Variants in AXIN1 observed in about 807,000 individuals in gnomAD.
The protein encoded by AXIN1 is axin 1.
In AXIN1, 30 loss-of-function variants were observed where a neutral mutation model predicts 76.4. The ratio of observed to expected loss-of-function variants is 0.39; its 90% CI spans 0.29 to 0.53. AXIN1 has a LOEUF of 0.53. AXIN1 is among the 20% of genes least tolerant of loss of function. AXIN1 has a pLI of 0.66. For missense variants in AXIN1, 1,140 were observed against 1,198.8 expected, an observed-to-expected ratio of 0.95 and a Z score of 0.72; for synonymous variants, 545 against 501.4, an observed-to-expected ratio of 1.09 and a Z score of -1.16.
At chr16:310,194 C>G in intron 3 of AXIN1, 125 bp from the exon 4 acceptor site, 1 of 792,038 alleles carries the variant, frequency 1.3e-6, no homozygotes, top group African/African-American at 1.7e-5. Context: ...TGAGCCACCA[C>G]CACTGAGACA....
intron 2 of AXIN1, among the ~76,000 whole-genome samples, chr16:334,140 C>T (rs580125): frequency 3.3e-5 from 5 of 151,414 alleles, no homozygotes; most frequent in Admixed American, 6.6e-5. Context: ...AGTACCACGG[C>T]ATGCCAATAA....
Position 345,709 on chromosome 16 carries a change from C to T in AXIN1, c.878+439G>A, listed in dbSNP as rs139319729. On this transcript the variant is annotated intron_variant, in intron 2 of 10. Coordinates refer to ENST00000262320, the MANE Select transcript of AXIN1 (RefSeq NM_003502.4). Reference sequence around the variant, plus strand: ...AGCCTGAGCAACAAAAGTGAAACTCCGTCTCAAAAAAAAAAAAAAGCAAGA... The same window carrying T: ...AGCCTGAGCAACAAAAGTGAAACTCTGTCTCAAAAAAAAAAAAAAGCAAGA... Among the ~76,000 whole-genome samples the T allele has an allele frequency of 1.2e-3, 178 of 143,110 alleles. 2 individuals are homozygous for T. Among genetic ancestry groups the T allele is most frequent in the South Asian group, 0.011 (46 of 4,314 alleles). 93.9% of individuals were successfully genotyped at this position (143,110 alleles called of 152,430 possible). A position where few individuals can be genotyped will look rare whatever the true frequency, so the allele number is the denominator to read the frequency against.
At chr16:347,493 G>A (rs1488647624) in intron 1 of AXIN1, among the ~76,000 whole-genome samples, 2 of 152,198 alleles carry the variant, frequency 1.3e-5, no homozygotes, top group Non-Finnish European at 2.9e-5. Context: ...CTGACTATGT[G>A]TACAAACCTG....
chr16:289,769 A>G, intron 9 of AXIN1, 162 bp from the exon 10 acceptor site: 2 of 825,210 alleles, frequency 2.4e-6, no homozygotes, highest in Non-Finnish European at 3.8e-6. Flanking sequence ...CAGCATCTCA[A>G]TCTGGGATCT....
At chr16:336,523 C>T (rs2053806552) in intron 2 of AXIN1, among the ~76,000 whole-genome samples, 1 of 152,062 alleles carries the variant, frequency 6.6e-6, no homozygotes, top group Non-Finnish European at 1.5e-5. Flanking sequence ...GGCTGGTTCC[C>T]TAAAAGAACA....
intron 2 of AXIN1, among the ~76,000 whole-genome samples, chr16:330,030 T>C (rs2053663352): frequency 6.6e-6 from 1 of 151,478 alleles, no homozygotes; most frequent in Non-Finnish European, 1.5e-5. Flanking sequence ...CCTTCCAAAG[T>C]ACTGGGATTA....
At position 297,461 on chromosome 16, in the gene AXIN1, A is replaced by C. The variant is rs181314431; in HGVS notation, c.1785-235T>G. Among the ~76,000 whole-genome samples, 115 of 151,908 alleles carry C rather than the reference A, an allele frequency of 7.6e-4. 1 individual carries two copies. The East Asian group carries it at 0.019, about 26-fold the overall frequency. ...GGGTTGGTTTCCTCTCTAAACACAC[A>C]GGCAGTCACTGCTCACCCCCTGAAG... On this transcript the variant is annotated intron_variant, in intron 6 of 10. Coordinates refer to ENST00000262320, the MANE Select transcript of AXIN1 (RefSeq NM_003502.4).
At chr16:306,809 G>T (rs1467811563) in intron 4 of AXIN1, among the ~76,000 whole-genome samples, 1 of 152,208 alleles carries the variant, frequency 6.6e-6, no homozygotes, top group Non-Finnish European at 1.5e-5. Context: ...GCCAGGAAGG[G>T]GTCTGTCCCG....
chr16:345,217 C>G (rs181430411), intron 2 of AXIN1, among the ~76,000 whole-genome samples: 2 of 152,304 alleles, frequency 1.3e-5, no homozygotes, highest in Admixed American at 1.3e-4. Context: ...CCCCACAGGC[C>G]CTGCCAGGAT....
At chr16:348,123 G>C (rs751036145) in intron 1 of AXIN1, among the ~76,000 whole-genome samples, 3 of 152,178 alleles carry the variant, frequency 2.0e-5, no homozygotes, top group Non-Finnish European at 4.4e-5. Context: ...AAAGAGAGTA[G>C]ATAAGGGCTC....
In AXIN1 at chr16:288,150, A is replaced by T. The variant is rs576597417; in HGVS notation, c.2561T>A (p.Ile854Asn). The T allele has an allele frequency of 6.2e-7, 1 of 1,613,548 alleles. No individual in the cohort carries two copies. The highest frequency in any genetic ancestry group is 8.5e-7 in the Non-Finnish European group (1 of 1,180,014). Residue 854 changes from isoleucine (I) to asparagine (N), a missense_variant, in exon 11 of 11, where the codon ATC (isoleucine) becomes AAC (asparagine). By Grantham distance (149) the Ile-to-Asn change is moderately radical. Transcript: ENST00000262320. ...EAVLPVFEEK[I>N]IGKVEKVD ...GTCCACCTTCTCCACTTTGCCGATG[A>T]TCTTCTCCTCAAAGACGGGCAGGAC...
intron 2 of AXIN1, among the ~76,000 whole-genome samples, chr16:318,026 TGCGTCTGTAGCCCACAGCACACGGC>T (rs1008547885): frequency 2.9e-4 from 44 of 152,166 alleles, no homozygotes; most frequent in East Asian, 1.4e-3. Flanking sequence ...CGGCACTTGG[TGCGTCTGTAGCCCACAGCACACGGC>T]GCGTCTGTAG....
intron 8 of AXIN1, chr16:292,155 AC>A (rs2052578960): frequency 6.6e-6 from 1 of 152,364 alleles, no homozygotes; most frequent in Non-Finnish European, 1.5e-5. Context: ...GAGCCCACAC[AC>A]GCCCAGGGCC....
rs2141459943 is a variant in AXIN1 at position 288,213 on chromosome 16, C to T, written c.2498G>A (p.Cys833Tyr). ...TCGAACCTCCTCAAACACCACCCCA[C>T]AGTCAAACTCGTCGCTCACTTTCTT... Reference protein sequence around the residue: ...YFKKVSDEFDCGVVFEEVRED... With the variant: ...YFKKVSDEFDYGVVFEEVRED... Residue 833 changes from cysteine to tyrosine, a missense_variant, in exon 11 of 11, where the codon TGT becomes TAT. By Grantham distance (194) the Cys-to-Tyr change is radical (BLOSUM62 -2). Transcript: ENST00000262320. The T allele has an allele frequency of 1.9e-6, 3 of 1,613,758 alleles. No individual in the cohort carries two copies. The highest frequency in any genetic ancestry group is 2.5e-6 in the Non-Finnish European group (3 of 1,180,012).
At chr16:343,019 G>C (rs1433767758) in intron 2 of AXIN1, among the ~76,000 whole-genome samples, 2 of 152,194 alleles carry the variant, frequency 1.3e-5, no homozygotes, top group East Asian at 1.9e-4. Context: ...TGTCTGTGCT[G>C]ACAAGCAACC....
Position 293,254 on chromosome 16 carries a change from T to C in AXIN1, c.2186+234A>G, listed in dbSNP as rs1165494257. ...AGGAGGGACCCCGCCTCCAGAGCAATGAGCGCGGCGGCCTCGGGTGTGTGA... is the reference window on the plus strand; with the variant it reads ...AGGAGGGACCCCGCCTCCAGAGCAACGAGCGCGGCGGCCTCGGGTGTGTGA... On this transcript the variant is annotated intron_variant, in intron 8 of 10. Coordinates refer to ENST00000262320, the MANE Select transcript of AXIN1 (RefSeq NM_003502.4). This position sits in a 1 kb window ranked among gnomAD's most constrained non-coding sequence, Gnocchi z 4.6. 2.6e-5 allele frequency: 15 copies of C among 581,458 alleles called. No homozygotes were observed. Among genetic ancestry groups the C allele is most frequent in the Middle Eastern group, 4.5e-4 (1 of 2,206 alleles). The allele number at this position is 581,458 out of a possible 1,614,324, so 36.0% of individuals were successfully genotyped here.
intron 2 of AXIN1, among the ~76,000 whole-genome samples, chr16:318,588 G>C (rs1388149036): frequency 6.6e-6 from 1 of 152,176 alleles, no homozygotes; most frequent in Non-Finnish European, 1.5e-5. Context: ...ACGTCCAAGG[G>C]GAGGTCACAT....
At chr16:295,706 A>AAT (rs2141495994) in intron 7 of AXIN1, among the ~76,000 whole-genome samples, 1 of 152,320 alleles carries the variant, frequency 6.6e-6, no homozygotes, top group South Asian at 2.1e-4. Context: ...TCACGCCTGT[A>AAT]ATCCTAGCAC....
rs993996266 is a variant in AXIN1, at chr16:313,794, C to T, written c.1019+749G>A. ...TACATAGGTCCCAAAAAGCCAGCTG[C>T]GAAGCACAGGGGAAGAGGTCATAAA... On this transcript the variant is annotated intron_variant, in intron 3 of 10. Transcript: ENST00000262320. 9.8e-4 allele frequency among the ~76,000 whole-genome samples: 149 copies of T among 152,358 alleles called. 1 individual carries two copies. Among genetic ancestry groups the T allele is most frequent in the Non-Finnish European group, 4.0e-4 (27 of 68,042 alleles).
Sources: allele counts gnomAD v4.1 joint callset (sites outside exome capture counted in the v4.1 genomes callset), GRCh38; gene constraint gnomAD v4.1.1; non-coding constraint Gnocchi (gnomAD v3.1); transcripts MANE v1.5; gene names NCBI Gene and HGNC (gene_info 2026-07-23, HGNC 2026-07-21).